The following SHISA6 variants were observed in gnomAD, a reference collection of about 807,000 sequenced individuals.
SHISA6 encodes protein shisa-6.
Under a neutral mutation model 47.9 loss-of-function variants are expected in SHISA6, and 22 were observed. That is an observed-to-expected ratio of 0.46 (90% CI 0.33 to 0.66). SHISA6 has a LOEUF of 0.66. Ranked by LOEUF, SHISA6 falls within the 30% of genes least tolerant of loss-of-function variation. The pLI, the probability that SHISA6 is intolerant of heterozygous loss-of-function variation, is 0.02. For missense variants in SHISA6, 680 were observed against 764.6 expected, an observed-to-expected ratio of 0.89 and a Z score of 1.30; for synonymous variants, 388 against 337.8, an observed-to-expected ratio of 1.15 and a Z score of -1.63.
intron 2 of SHISA6, among the ~76,000 whole-genome samples, chr17:11,334,954 T>C (rs576039347): frequency 7.9e-5 from 12 of 152,338 alleles, no homozygotes; most frequent in African/African-American, 2.9e-4. Context: ...TGCACGAGGC[T>C]GGGCAAAACC....
intron 3 of SHISA6, among the ~76,000 whole-genome samples, chr17:11,444,624 C>T (rs2142300141): frequency 6.6e-6 from 1 of 152,190 alleles, no homozygotes; most frequent in South Asian, 2.1e-4. Flanking sequence ...AATTTGAGCC[C>T]CAAATCTAAA....
At chr17:11,341,650 A>G (rs963320438) in intron 2 of SHISA6, among the ~76,000 whole-genome samples, 7 of 152,004 alleles carry the variant, frequency 4.6e-5, no homozygotes, top group African/African-American at 1.7e-4. Flanking sequence ...CCCATTCTCT[A>G]AGTGAGAGAA....
intron 3 of SHISA6, among the ~76,000 whole-genome samples, chr17:11,440,066 T>C (rs1247528412): frequency 6.6e-6 from 1 of 152,156 alleles, no homozygotes; most frequent in Non-Finnish European, 1.5e-5. Flanking sequence ...GTTAATTCAA[T>C]TCATTCATTC....
chr17:11,503,189 G>A (rs762967776), intron 3 of SHISA6, among the ~76,000 whole-genome samples: 5 of 152,124 alleles, frequency 3.3e-5, no homozygotes, highest in Non-Finnish European at 7.4e-5. Flanking sequence ...GACTGAGATC[G>A]CTGAGCTAGC....
chr17:11,451,465 G>A (rs569620368), intron 3 of SHISA6, among the ~76,000 whole-genome samples: 60 of 152,212 alleles, frequency 3.9e-4, no homozygotes, highest in African/African-American at 1.4e-3. Flanking sequence ...AGTTGGGGGC[G>A]ACAGAAAATA....
intron 2 of SHISA6, among the ~76,000 whole-genome samples, chr17:11,340,864 T>A (rs1265153492): frequency 6.6e-6 from 1 of 152,152 alleles, no homozygotes; most frequent in Non-Finnish European, 1.5e-5. Context: ...TCCAAGCAGT[T>A]CCCAGAGGTA....
intron 3 of SHISA6, among the ~76,000 whole-genome samples, chr17:11,500,287 C>T (rs1260835125): frequency 3.3e-5 from 5 of 152,176 alleles, no homozygotes; most frequent in Non-Finnish European, 7.3e-5. Context: ...GGAAAAGCAG[C>T]GTCGTGGTGC....
chr17:11,525,680 C>G (rs988223795), intron 3 of SHISA6, among the ~76,000 whole-genome samples: 3 of 90,180 alleles, frequency 3.3e-5, no homozygotes, highest in African/African-American at 1.2e-4. Context: ...TTATAATAAA[C>G]AAGATTATCA....
intron 3 of SHISA6, among the ~76,000 whole-genome samples, chr17:11,398,566 C>T (rs897005975): frequency 3.3e-5 from 5 of 152,070 alleles, no homozygotes; most frequent in Admixed American, 6.6e-5. Flanking sequence ...CTTCCGCATT[C>T]CGACAGTAGG....
intron 3 of SHISA6, among the ~76,000 whole-genome samples, chr17:11,446,023 T>C (rs1915223442): frequency 6.6e-6 from 1 of 152,136 alleles, no homozygotes; most frequent in Non-Finnish European, 1.5e-5. Context: ...AGATGGGGTT[T>C]CACCATATTG....
intron 2 of SHISA6, among the ~76,000 whole-genome samples, chr17:11,346,070 A>T (rs903713082): frequency 2.0e-5 from 3 of 152,132 alleles, no homozygotes; most frequent in Non-Finnish European, 4.4e-5. Flanking sequence ...CATTAAATAA[A>T]TGTTAGCTAT....
In SHISA6 at chr17:11,365,757, A is replaced by T. The variant is rs116873053; in HGVS notation, c.800-13657A>T. On this transcript the variant is annotated intron_variant, in intron 2 of 5. Coordinates refer to ENST00000441885, the MANE Select transcript of SHISA6 (RefSeq NM_207386.4). ...ATATCCCTCTTGTGGAAGCTTTAAG[A>T]AGGGAGATGGACAATAAACAATAAC... Among the ~76,000 whole-genome samples, 268 of 152,322 alleles carry T rather than the reference A, an allele frequency of 1.8e-3. 5 individuals carry two copies. In the East Asian group the frequency reaches 0.027, roughly 15 times the overall value.
intron 3 of SHISA6, among the ~76,000 whole-genome samples, chr17:11,388,790 T>TTTTATATA (rs1913276456): frequency 2.0e-5 from 1 of 50,036 alleles, no homozygotes; most frequent in South Asian, 7.8e-4. Flanking sequence ...AAACAAAAGT[T>TTTTATATA]TATATATATA....
intron 1 of SHISA6, among the ~76,000 whole-genome samples, chr17:11,248,607 C>CCCT (rs1307197492): frequency 2.6e-5 from 4 of 152,124 alleles, no homozygotes; most frequent in Non-Finnish European, 5.9e-5. Flanking sequence ...GTTTCTGTAC[C>CCCT]CCTCCTGGTT....
chr17:11,490,276 G>A (rs1916442028), intron 3 of SHISA6, among the ~76,000 whole-genome samples: 1 of 152,160 alleles, frequency 6.6e-6, no homozygotes. Flanking sequence ...GCAGAGCAGA[G>A]TGGTGAATAA....
chr17:11,313,989 A>C (rs1037216600), intron 2 of SHISA6, among the ~76,000 whole-genome samples: 6 of 152,182 alleles, frequency 3.9e-5, no homozygotes, highest in Non-Finnish European at 7.3e-5. Context: ...GAGGCAAAAG[A>C]GGTATCTGGG....
chr17:11,523,734 A>C (rs2969190), intron 3 of SHISA6, among the ~76,000 whole-genome samples: 5 of 152,056 alleles, frequency 3.3e-5, no homozygotes, highest in Non-Finnish European at 7.4e-5. Flanking sequence ...GGCTGGGCGC[A>C]GTGACTCATG....
chr17:11,559,252 C>A lies in SHISA6; in HGVS notation c.*948C>A, dbSNP rs536735876. On this transcript the variant is annotated 3_prime_UTR_variant, in exon 6 of 6. Coordinates refer to ENST00000441885, the MANE Select transcript of SHISA6 (RefSeq NM_207386.4). The surrounding 1 kb of genome is among the most constrained non-coding windows in gnomAD (Gnocchi z 4.4). ...TGCCACTCAGGCTGCCTTCTCCACC[C>A]CTGCTCTGCTCCCAGGAGGCACCTG... 6 of 152,790 alleles carry A rather than the reference C, an allele frequency of 3.9e-5. No homozygotes were observed. Among genetic ancestry groups the A allele is most frequent in the African/African-American group, 1.4e-4 (6 of 41,596 alleles). The allele number at this position is 152,790 out of a possible 1,614,324, so 9.5% of individuals were successfully genotyped here. A position where few individuals can be genotyped will look rare whatever the true frequency, so the allele number is the denominator to read the frequency against.
intron 3 of SHISA6, among the ~76,000 whole-genome samples, chr17:11,537,633 G>A (rs1268650631): frequency 6.6e-6 from 1 of 152,160 alleles, no homozygotes; most frequent in Non-Finnish European, 1.5e-5. Flanking sequence ...TTAGGAAGAA[G>A]AGAAGAAGAA....
Sources: allele counts gnomAD v4.1 joint callset (sites outside exome capture counted in the v4.1 genomes callset), GRCh38; gene constraint gnomAD v4.1.1; non-coding constraint Gnocchi (gnomAD v3.1); transcripts MANE v1.5; gene names NCBI Gene and HGNC (gene_info 2026-07-23, HGNC 2026-07-21).